DNAJA3: variants seen among roughly 807,000 people sequenced by gnomAD.
DNAJA3 encodes DnaJ heat shock protein family (Hsp40) member A3, also known as dnaJ homolog subfamily A member 3, mitochondrial.
A neutral mutation model predicts 54.9 loss-of-function variants in DNAJA3; 29 were observed. That is an observed-to-expected ratio of 0.53 (90% CI 0.39 to 0.72). The LOEUF is 0.72. Among genes scored for constraint, DNAJA3 ranks in the 30% least tolerant of loss-of-function variants. DNAJA3 has a pLI of 0.00. For missense variants in DNAJA3, 708 were observed against 639.4 expected, an observed-to-expected ratio of 1.11 and a Z score of -1.16; for synonymous variants, 302 against 251.4, an observed-to-expected ratio of 1.20 and a Z score of -1.90.
At chr16:4,438,066 C>G (rs143318964) in intron 3 of DNAJA3, among the ~76,000 whole-genome samples, 1,612 of 152,116 alleles carry the variant, frequency 0.011, 31 homozygotes, top group African/African-American at 0.037. Context: ...CCTGTAATCC[C>G]AACACTTTGG....
Position 4,454,853 on chromosome 16 carries a change from G to A in DNAJA3, c.1382G>A (p.Arg461His), listed in dbSNP as rs61758418. 1.8e-4 allele frequency: 287 copies of A among 1,614,128 alleles called. No homozygotes were observed. Among genetic ancestry groups the A allele is most frequent in the Non-Finnish European group, 2.2e-4 (258 of 1,179,990 alleles). The change falls in exon 11 of 12, where the codon CGT becomes CAT. Residue 461 changes from arginine to histidine, a missense_variant. By Grantham distance (29) the Arg-to-His change is conservative. Coordinates refer to ENST00000262375, the MANE Select transcript of DNAJA3 (RefSeq NM_005147.6). ...MDSSAGSKAR[R>H]EAGEDEEGFL... is the part of the protein sequence containing the mutation. ...AGCTCCGCAGGAAGCAAGGCTAGGC[G>A]TGAGGCTGGGGAGGACGAGGAGGGA...
At chr16:4,433,674 A>G (rs992912024) in intron 1 of DNAJA3, among the ~76,000 whole-genome samples, 2 of 151,366 alleles carry the variant, frequency 1.3e-5, no homozygotes, top group African/African-American at 2.5e-5. Flanking sequence ...ACAGAAAAAT[A>G]TGAAAATATG....
At chr16:4,435,749 T>C (rs2056765475) in intron 2 of DNAJA3, among the ~76,000 whole-genome samples, 1 of 152,252 alleles carries the variant, frequency 6.6e-6, no homozygotes, top group Non-Finnish European at 1.5e-5. Flanking sequence ...TTGGATATTT[T>C]CCACTTTTTG....
At chr16:4,439,632 T>C (rs1383317305) in intron 3 of DNAJA3, among the ~76,000 whole-genome samples, 1 of 152,196 alleles carries the variant, frequency 6.6e-6, no homozygotes, top group Admixed American at 6.5e-5. Flanking sequence ...AGAGTCCTAA[T>C]CCACCGTGTT....
intron 2 of DNAJA3, among the ~76,000 whole-genome samples, chr16:4,436,165 T>G (rs535174539): frequency 6.6e-6 from 1 of 152,320 alleles, no homozygotes; most frequent in South Asian, 2.1e-4. Flanking sequence ...TTAACTGGGT[T>G]GTCTTTTTTT....
chr16:4,435,138 G>A (rs1360551353), intron 2 of DNAJA3, among the ~76,000 whole-genome samples: 1 of 151,970 alleles, frequency 6.6e-6, no homozygotes, highest in Non-Finnish European at 1.5e-5. Context: ...GACCTCAGGT[G>A]ATCCACCTGC....
At chr16:4,433,988 A>G (rs1279212740) in intron 1 of DNAJA3, 3 of 231,584 alleles carry the variant, frequency 1.3e-5, no homozygotes. Flanking sequence ...ATTTTAAAGG[A>G]AAGAGGTTTA....
At chr16:4,429,284 C>A (rs200237735) in intron 1 of DNAJA3, among the ~76,000 whole-genome samples, 1 of 151,866 alleles carries the variant, frequency 6.6e-6, no homozygotes, top group Non-Finnish European at 1.5e-5. Flanking sequence ...CTTGACTCAC[C>A]GTGATCTCGG....
At position 4,434,393 on chromosome 16, in the gene DNAJA3, A is replaced by G. The variant is rs141642995; in HGVS notation, c.221A>G (p.His74Arg). ...RPGVSLTGTKHNPFICTASFH... is the reference protein window; with the variant it reads ...RPGVSLTGTKRNPFICTASFH... ...GTTTTTTCCTTTTTAGGAACAAAAC[A>G]TAACCCTTTCATTTGTACTGCCTCC... Residue 74 changes from histidine to arginine, a missense_variant, in exon 2 of 12, where the codon CAT becomes CGT. His to Arg is a conservative substitution (Grantham distance 29). Coordinates refer to ENST00000262375, the MANE Select transcript of DNAJA3 (RefSeq NM_005147.6). 1.4e-5 allele frequency: 23 copies of G among 1,612,658 alleles called. No homozygotes were observed. Among genetic ancestry groups the G allele is most frequent in the Non-Finnish European group, 1.9e-5 (22 of 1,179,752 alleles).
chr16:4,451,812 G>C (rs370349344), intron 10 of DNAJA3, among the ~76,000 whole-genome samples: 1 of 143,658 alleles, frequency 7.0e-6, no homozygotes, highest in East Asian at 2.0e-4. Context: ...TGTAATCCTA[G>C]CACTTTGGGA....
intron 10 of DNAJA3, among the ~76,000 whole-genome samples, chr16:4,451,343 C>T (rs1181966124): frequency 1.3e-5 from 2 of 152,058 alleles, no homozygotes; most frequent in South Asian, 2.1e-4. Flanking sequence ...AGCTGGGGGC[C>T]GATTTTCCAA....
chr16:4,441,582 T>G lies in DNAJA3; in HGVS notation c.630+7T>G. ...GTTTGATCAGCCTCAGGAAGTAAGT[T>G]CCTCACTTGGAAGAATTATTCAAAT... On this transcript the variant is annotated splice_region_variant and intron_variant, in intron 4 of 11. Coordinates refer to ENST00000262375, the MANE Select transcript of DNAJA3 (RefSeq NM_005147.6). 6.2e-7 allele frequency: 1 copy of G among 1,612,416 alleles called. No individual in the cohort carries two copies. The highest frequency in any genetic ancestry group is 8.5e-7 in the Non-Finnish European group (1 of 1,179,474).
intron 10 of DNAJA3, among the ~76,000 whole-genome samples, chr16:4,454,302 C>G (rs963337981): frequency 6.6e-6 from 1 of 152,182 alleles, no homozygotes; most frequent in Non-Finnish European, 1.5e-5. Context: ...TTATAGCCAA[C>G]AGCATGGTGG....
intron 3 of DNAJA3, among the ~76,000 whole-genome samples, chr16:4,438,634 TC>T (rs780224164): frequency 8.9e-6 from 1 of 111,946 alleles, no homozygotes; most frequent in Non-Finnish European, 1.9e-5. Flanking sequence ...GACAATCTTT[TC>T]TTTTTTTTTT....
In DNAJA3 at chr16:4,450,390, C is replaced by A; in HGVS notation, c.1242-10C>A. 1 of 1,592,822 alleles carries A rather than the reference C, an allele frequency of 6.3e-7. No individual in the cohort carries two copies. The highest frequency in any genetic ancestry group is 8.5e-7 in the Non-Finnish European group (1 of 1,170,836). On this transcript the variant is annotated splice_polypyrimidine_tract_variant and intron_variant, in intron 9 of 11. Coordinates refer to ENST00000262375, the MANE Select transcript of DNAJA3 (RefSeq NM_005147.6). ...GGAAGCCTTGGCTGCTGACTCTGCT[C>A]GGTCCACAGGAGGCTAACGAGCCGG...
intron 3 of DNAJA3, chr16:4,441,027 T>C (rs1413346410): frequency 3.8e-5 from 12 of 315,784 alleles, no homozygotes; most frequent in Middle Eastern, 9.0e-4. Context: ...ATAAATTCTC[T>C]ACGAGGTAAT....
At chr16:4,455,159 G>C (rs2057020989) in intron 11 of DNAJA3, among the ~76,000 whole-genome samples, 1 of 152,196 alleles carries the variant, frequency 6.6e-6, no homozygotes, top group South Asian at 2.1e-4. Flanking sequence ...CCAGCCTCTG[G>C]CTGTGTCTTC....
chr16:4,451,333 A>G (rs2056975039), intron 10 of DNAJA3, among the ~76,000 whole-genome samples: 1 of 151,974 alleles, frequency 6.6e-6, no homozygotes, highest in Admixed American at 6.6e-5. Context: ...AGGTGTTTGG[A>G]GCTGGGGGCC....
chr16:4,445,848 G>A (rs867908835), intron 7 of DNAJA3, among the ~76,000 whole-genome samples: 11 of 152,078 alleles, frequency 7.2e-5, no homozygotes, highest in African/African-American at 2.2e-4. Flanking sequence ...CACTGCGCCC[G>A]GCCTGTGATA....
Sources: gnomAD v4.1 joint callset for allele counts (sites outside exome capture counted in the v4.1 genomes callset) on GRCh38, gnomAD v4.1.1 for gene constraint, MANE v1.5 for transcripts, NCBI Gene and HGNC (gene_info 2026-07-23, HGNC 2026-07-21) for gene names.